The following ACOT1 variants were observed in gnomAD, a reference collection of about 807,000 sequenced individuals.
The protein encoded by ACOT1 is acyl-CoA thioesterase 1.
In ACOT1, 8 loss-of-function variants were observed where a neutral mutation model predicts 15.7. That is an observed-to-expected ratio of 0.51 (90% CI 0.30 to 0.92). The LOEUF (loss-of-function observed/expected upper bound fraction) is 0.92. ACOT1 is among the 40% of genes least tolerant of loss of function. The pLI is 0.06. For synonymous variants in ACOT1, 67 were observed against 241.2 expected, an observed-to-expected ratio of 0.28 and a Z score of 6.69; for missense variants, 151 against 539.4, an observed-to-expected ratio of 0.28 and a Z score of 7.13.
the ACOT1 span, chr14:73,495,227 C>T: frequency 6.2e-7 from 1 of 1,612,772 alleles, no homozygotes; most frequent in South Asian, 1.1e-5. Context: ...AGGAAACCTA[C>T]CCTGAAAAGT....
At chr14:73,493,832 C>T in the ACOT1 span, among the ~76,000 whole-genome samples, 1 of 152,070 alleles carries the variant, frequency 6.6e-6, no homozygotes, top group Non-Finnish European at 1.5e-5. Context: ...AGCGAGACTC[C>T]GTCTCAAAAA....
chr14:73,518,458 A>C, the ACOT1 span, among the ~76,000 whole-genome samples: 1 of 152,142 alleles, frequency 6.6e-6, no homozygotes, highest in Non-Finnish European at 1.5e-5. Flanking sequence ...TAGTTTCTGC[A>C]CACCACTGGG....
At chr14:73,522,719 T>C in the ACOT1 span, 15 of 1,614,222 alleles carry the variant, frequency 9.3e-6, no homozygotes, top group Non-Finnish European at 1.3e-5. Context: ...CAGCTTCTTT[T>C]CGGGATTGGC....
chr14:73,492,996 T>A, the ACOT1 span: 2 of 1,492,004 alleles, frequency 1.3e-6, no homozygotes, highest in Non-Finnish European at 1.8e-6. This position sits in a 1 kb window ranked among gnomAD's most constrained non-coding sequence, Gnocchi z 4.9. Context: ...CTGCCACTGC[T>A]ACCTTTTTTT....
At chr14:73,521,901 CCAATCCCT>C in the ACOT1 span, among the ~76,000 whole-genome samples, 2 of 152,218 alleles carry the variant, frequency 1.3e-5, no homozygotes, top group Non-Finnish European at 2.9e-5. Flanking sequence ...AGGTTGAGAA[CCAATCCCT>C]TTAAGAGCAG....
chr14:73,506,402 TAGA>T, the ACOT1 span: 8 of 1,134,502 alleles, frequency 7.1e-6, no homozygotes, highest in African/African-American at 1.5e-5. Flanking sequence ...CAGCAAAAAG[TAGA>T]AGGCCTCTGT....
At chr14:73,492,041 G>T in the ACOT1 span, 3 of 1,613,938 alleles carry the variant, frequency 1.9e-6, no homozygotes, top group Non-Finnish European at 1.7e-6. This position sits in a 1 kb window ranked among gnomAD's most constrained non-coding sequence, Gnocchi z 4.9. Flanking sequence ...CCCCCACTAC[G>T]ACGACATCGA....
At chr14:73,507,798 A>C in the ACOT1 span, among the ~76,000 whole-genome samples, 2 of 152,050 alleles carry the variant, frequency 1.3e-5, no homozygotes, top group African/African-American at 2.4e-5. Context: ...GCTGGAGTGT[A>C]GTGGCGTGAT....
chr14:73,519,370 GA>G, the ACOT1 span, among the ~76,000 whole-genome samples: 15 of 147,982 alleles, frequency 1.0e-4, no homozygotes, highest in Admixed American at 2.7e-4. Context: ...GTCTGTGGGG[GA>G]AAAAAAAAAG....
the ACOT1 span, chr14:73,496,501 G>A: frequency 1.4e-6 from 1 of 719,238 alleles, no homozygotes; most frequent in East Asian, 2.5e-5. Flanking sequence ...GTACTTCTAT[G>A]GTGGGAAAAA....
At chr14:73,500,914 A>G in the ACOT1 span, among the ~76,000 whole-genome samples, 1 of 152,172 alleles carries the variant, frequency 6.6e-6, no homozygotes, top group Non-Finnish European at 1.5e-5. Context: ...TGAATCCCTA[A>G]TACATAGCTG....
the ACOT1 span, among the ~76,000 whole-genome samples, chr14:73,521,337 C>T: frequency 2.0e-5 from 3 of 152,080 alleles, no homozygotes; most frequent in Non-Finnish European, 2.9e-5. Flanking sequence ...TTTTAACATT[C>T]GTACTCTTAG....
the ACOT1 span, chr14:73,508,225 A>T: frequency 6.2e-7 from 1 of 1,613,978 alleles, no homozygotes; most frequent in East Asian, 2.2e-5. Flanking sequence ...GATCCTCTTA[A>T]TCACAGGGTA....
rs1888990708 is a variant in ACOT1 at position 73,539,250 on chromosome 14, CTA to C, written c.457+1374_457+1375del. 1.7e-5 allele frequency: 2 copies of C among 114,904 alleles called. 1 individual carries two copies. The highest frequency in any genetic ancestry group is 5.5e-4 in the South Asian group (2 of 3,630). The allele number at this position is 114,904 out of a possible 1,614,324, so 7.1% of individuals were successfully genotyped here. On this transcript the variant is annotated intron_variant, in intron 1 of 2. Coordinates refer to ENST00000311148, the MANE Select transcript of ACOT1 (RefSeq NM_001037161.2). ...TGCTGCCTAGCTCCCTGCTGGCTGG[CTA>C]TGATCTCCGTCCTGTTACCATTCCA...
the ACOT1 span, chr14:73,492,860 A>G: frequency 5.6e-6 from 9 of 1,613,918 alleles, no homozygotes; most frequent in Non-Finnish European, 7.6e-6. The surrounding 1 kb of genome is among the most constrained non-coding windows in gnomAD (Gnocchi z 4.9). Flanking sequence ...GCCCTGTGAC[A>G]GTGTGGAGGA....
the ACOT1 span, among the ~76,000 whole-genome samples, chr14:73,531,460 G>A: frequency 5.8e-4 from 56 of 96,202 alleles, 10 homozygotes; most frequent in African/African-American, 1.7e-3. Context: ...TCACTCTGTC[G>A]CCCAGGCTGG....
At chr14:73,498,962 A>G in the ACOT1 span, 1 of 910,786 alleles carries the variant, frequency 1.1e-6, no homozygotes, top group Non-Finnish European at 1.8e-6. Flanking sequence ...AGCTAAGATC[A>G]TTACCTCTCC....
the ACOT1 span, among the ~76,000 whole-genome samples, chr14:73,523,462 G>A: frequency 6.6e-6 from 1 of 152,142 alleles, no homozygotes; most frequent in Admixed American, 6.6e-5. Context: ...TCCGTGTGAG[G>A]GATGACTGCT....
chr14:73,515,172 G>C, the ACOT1 span, among the ~76,000 whole-genome samples: 1 of 152,058 alleles, frequency 6.6e-6, no homozygotes. Context: ...AAGCTCTATG[G>C]AGAAGGGGAA....
Sources: gnomAD v4.1 joint callset for allele counts (sites outside exome capture counted in the v4.1 genomes callset) on GRCh38, gnomAD v4.1.1 for gene constraint, Gnocchi (gnomAD v3.1) non-coding constraint, MANE v1.5 for transcripts, NCBI Gene and HGNC (gene_info 2026-07-23, HGNC 2026-07-21) for gene names.